Variants in ANKRD54 observed in about 807,000 individuals in gnomAD.
The protein encoded by ANKRD54 is ankyrin repeat domain 54.
ANKRD54 carries 26 observed loss-of-function variants against 36.2 expected under a neutral mutation model. The ratio of observed to expected loss-of-function variants is 0.72; its 90% CI spans 0.53 to 1.00. The LOEUF is 1.00. ANKRD54 is among the 50% of genes least tolerant of loss of function. The pLI is 0.00. For synonymous variants in ANKRD54, 209 were observed against 188.4 expected, an observed-to-expected ratio of 1.11 and a Z score of -0.89; for missense variants, 384 against 424.3, an observed-to-expected ratio of 0.91 and a Z score of 0.83.
intron 1 of ANKRD54, among the ~76,000 whole-genome samples, chr22:37,841,500 C>G (rs1055158770): frequency 6.8e-6 from 1 of 146,750 alleles, no homozygotes; most frequent in Non-Finnish European, 1.5e-5. Context: ...TACTCCAGCT[C>G]GGGCAACAGA....
At chr22:37,844,376 G>A (rs1044477946), upstream of ANKRD54, 1 of 942,948 alleles carries the variant, frequency 1.1e-6, no homozygotes, top group Non-Finnish European at 1.5e-6. Context: ...CCGAGCGGGG[G>A]CGGGCTCAGG....
In ANKRD54 at chr22:37,831,636, T is replaced by G; in HGVS notation, c.*307A>C. 1 of 390,680 alleles carries G rather than the reference T, an allele frequency of 2.6e-6. No homozygotes were observed. Among genetic ancestry groups the G allele is most frequent in the East Asian group, 4.5e-5 (1 of 22,316 alleles). The allele number at this position is 390,680 out of a possible 1,614,324, so 24.2% of individuals were successfully genotyped here. On this transcript the variant is annotated 3_prime_UTR_variant, in exon 8 of 8. Coordinates refer to ENST00000215941, the MANE Select transcript of ANKRD54 (RefSeq NM_138797.4). The stretch of plus-strand genomic sequence containing the variant: ...CGCGCCATGAAGGCCATGGGGCAAG[T>G]GAGGTCTGCTGAGATAGCGCAGGTC...
In ANKRD54 at chr22:37,838,519, G is replaced by A; in HGVS notation, c.456C>T (p.Cys152=). The A allele has an allele frequency of 6.2e-7, 1 of 1,612,370 alleles. No individual in the cohort carries two copies. Among genetic ancestry groups the A allele is most frequent in the Non-Finnish European group, 8.5e-7 (1 of 1,179,356 alleles). The part of the protein sequence containing the change: ...KGRTALHFAS[C]NGNDQIVQLL... ...ACTCACCAATCTGGTCATTGCCATTGCATGAGGCAAAGTGTAGAGCTGTGC... is the reference window on the plus strand; with the variant it reads ...ACTCACCAATCTGGTCATTGCCATTACATGAGGCAAAGTGTAGAGCTGTGC... Residue 152 remains cysteine, a synonymous_variant, in exon 3 of 8, where the codon TGC becomes TGT. Transcript: ENST00000215941.
At position 37,831,826 on chromosome 22, in the gene ANKRD54, G is replaced by A; in HGVS notation, c.*117C>T. 1.8e-6 allele frequency: 2 copies of A among 1,082,148 alleles called. No homozygotes were observed. Among genetic ancestry groups the A allele is most frequent in the South Asian group, 3.0e-5 (2 of 67,274 alleles). The allele number at this position is 1,082,148 out of a possible 1,614,324, so 67.0% of individuals were successfully genotyped here. A position where few individuals can be genotyped will look rare whatever the true frequency, so the allele number is the denominator to read the frequency against. ...TGCCCCACGGCATCTGCGGGTGAGG[G>A]CAAGGTCCTCACCAGACAAGTGCAG... On this transcript the variant is annotated 3_prime_UTR_variant, in exon 8 of 8. Transcript: ENST00000215941.
intron 2 of ANKRD54, among the ~76,000 whole-genome samples, chr22:37,839,666 C>T (rs1038898705): frequency 1.3e-5 from 2 of 152,194 alleles, no homozygotes; most frequent in African/African-American, 2.4e-5. Flanking sequence ...GGATTACAGG[C>T]GTGAGCCACC....
chr22:37,834,750 T>C (rs1461284636), intron 3 of ANKRD54: 1 of 89,384 alleles, frequency 1.1e-5, no homozygotes, highest in Admixed American at 1.1e-4. Context: ...GAAATATTGA[T>C]AAATTGGATT....
At chr22:37,835,246 C>A (rs1440159145) in intron 3 of ANKRD54, among the ~76,000 whole-genome samples, 1 of 152,024 alleles carries the variant, frequency 6.6e-6, no homozygotes, top group African/African-American at 2.4e-5. Flanking sequence ...TCTGTAATCC[C>A]AGCTACTCAG....
upstream of ANKRD54, chr22:37,847,536 A>G (rs905755871): frequency 2.7e-5 from 10 of 367,996 alleles, no homozygotes; most frequent in Admixed American, 1.9e-4. Flanking sequence ...AGGAATGATT[A>G]AGGGCAGTCT....
intron 6 of ANKRD54, 28 bp from the exon 7 acceptor site, chr22:37,832,772 C>T (rs1434374759): frequency 6.2e-7 from 1 of 1,612,688 alleles, no homozygotes; most frequent in Non-Finnish European, 8.5e-7. Context: ...GCTGAGCTGC[C>T]TGGGTTCCTA....
upstream of ANKRD54, among the ~76,000 whole-genome samples, chr22:37,846,857 CT>C (rs759482944): frequency 1.4e-3 from 206 of 142,612 alleles, no homozygotes; most frequent in Admixed American, 1.7e-3. Context: ...AATTTCTTTT[CT>C]TTTTTTTTTT....
chr22:37,847,568 G>A (rs567600955), upstream of ANKRD54: 1 of 426,076 alleles, frequency 2.3e-6, no homozygotes, highest in Admixed American at 3.7e-5. Context: ...GGAAGATGAG[G>A]GTTGGTTAGA....
rs762683016 is a variant in ANKRD54, at chr22:37,844,252, C to CGCGG, written c.-18_-15dup. On this transcript the variant is annotated 5_prime_UTR_variant, in exon 1 of 8. Transcript: ENST00000215941. ...GGCGGCTGCCATGGCAACGGCTCCGCGCGGGCCTGGCCGCCTGAGCCTCGT... is the reference window on the plus strand; with the variant it reads ...GGCGGCTGCCATGGCAACGGCTCCGCGCGGGCGGGCCTGGCCGCCTGAGCCTCGT... 3.2e-6 allele frequency: 5 copies of CGCGG among 1,545,976 alleles called. No homozygotes were observed. The Admixed American group carries it at 7.5e-5, about 23-fold the overall frequency.
upstream of ANKRD54, among the ~76,000 whole-genome samples, chr22:37,846,883 TCGC>T (rs777189160): frequency 0.11 from 3,851 of 34,512 alleles, 174 homozygotes; most frequent in Admixed American, 0.3. Context: ...AGACGGAGTC[TCGC>T]TCTGTCGCCC....
At position 37,844,054 on chromosome 22, in the gene ANKRD54, T is replaced by C. The variant is rs528289648; in HGVS notation, c.185A>G (p.Gln62Arg). The C allele has an allele frequency of 7.0e-7, 1 of 1,436,094 alleles. No homozygotes were observed. The highest frequency in any genetic ancestry group is 9.1e-7 in the Non-Finnish European group (1 of 1,102,390). The allele number at this position is 1,436,094 out of a possible 1,614,324, so 89.0% of individuals were successfully genotyped here. A position where few individuals can be genotyped will look rare whatever the true frequency, so the allele number is the denominator to read the frequency against. Residue 62 changes from glutamine (Q) to arginine (R), a missense_variant, in exon 1 of 8, where the codon CAG becomes CGG. By Grantham distance (43) the Gln-to-Arg change is conservative. Transcript: ENST00000215941. ...GACGTGCAAGTAGCGCAGCGGCGAC[T>C]GGGCCCCGCCGGACGCCCGGCCCGA... ...GLSGRASGGA[Q>R]SPLRYLHVLW...
At chr22:37,835,124 A>G (rs1462779558) in intron 3 of ANKRD54, among the ~76,000 whole-genome samples, 1 of 152,190 alleles carries the variant, frequency 6.6e-6, no homozygotes, top group Non-Finnish European at 1.5e-5. Flanking sequence ...GCACTTTGGG[A>G]GGCCAAGGCG....
chr22:37,847,729 T>C (rs752610183), upstream of ANKRD54: 1 of 428,532 alleles, frequency 2.3e-6, no homozygotes, highest in Non-Finnish European at 4.7e-6. Flanking sequence ...AGACTGTGAC[T>C]CTTCCTTGGT....
chr22:37,834,699 A>G (rs1923312250), intron 3 of ANKRD54: 1 of 18,366 alleles, frequency 5.4e-5, no homozygotes, highest in African/African-American at 1.6e-4. Flanking sequence ...CCCTGTCTCA[A>G]AAAAAAAAAA....
intron 2 of ANKRD54, among the ~76,000 whole-genome samples, chr22:37,839,606 C>G (rs1365685776): frequency 6.6e-6 from 1 of 152,170 alleles, no homozygotes; most frequent in Non-Finnish European, 1.5e-5. Flanking sequence ...CCAGGATGGT[C>G]TCGATCTCCT....
intron 6 of ANKRD54, 46 bp downstream of exon 6, chr22:37,832,912 C>T: frequency 6.2e-7 from 1 of 1,609,872 alleles, no homozygotes; most frequent in Non-Finnish European, 8.5e-7. Context: ...AGCATCTGTC[C>T]AGTGCTGCCT....
Sources: gnomAD v4.1 joint callset for allele counts (sites outside exome capture counted in the v4.1 genomes callset) on GRCh38, gnomAD v4.1.1 for gene constraint, MANE v1.5 for transcripts, NCBI Gene and HGNC (gene_info 2026-07-23, HGNC 2026-07-21) for gene names.